Variants in SLC11A1 observed in about 807,000 individuals in gnomAD.
The protein encoded by SLC11A1 is solute carrier family 11 member 1, also known as natural resistance-associated macrophage protein 1.
In SLC11A1, 59 loss-of-function variants were observed where a neutral mutation model predicts 63.2. That is an observed-to-expected ratio of 0.93 (90% CI 0.76 to 1.16). The LOEUF (loss-of-function observed/expected upper bound fraction) is 1.16, where lower values mean the gene tolerates loss of function less well. Among genes scored for constraint, SLC11A1 ranks in the 50% most tolerant of loss-of-function variants. SLC11A1 has a pLI of 0.00. For missense variants in SLC11A1, 688 were observed against 730.7 expected (o/e 0.94, Z 0.67); for synonymous variants, 305 against 307.8 (o/e 0.99, Z 0.09).
At chr2:218,382,415 T>G (rs1574757636) in intron 1 of SLC11A1, 40 bp downstream of exon 1, 1 of 1,610,196 alleles carries the variant, frequency 6.2e-7, no homozygotes, top group Non-Finnish European at 8.5e-7. Context: ...GATTGGGGGG[T>G]GGAGTGGAGG....
At chr2:218,387,506 T>C in intron 6 of SLC11A1, 59 bp from the exon 7 acceptor site, 2 of 1,559,974 alleles carry the variant, frequency 1.3e-6, no homozygotes, top group Non-Finnish European at 1.8e-6. Flanking sequence ...CCATTACGAA[T>C]TGTTGATGTC....
At chr2:218,389,796 G>C in intron 8 of SLC11A1, 74 bp from the exon 9 acceptor site, 2 of 1,485,128 alleles carry the variant, frequency 1.3e-6, no homozygotes, top group Non-Finnish European at 1.8e-6. Context: ...GGAGAACATA[G>C]AAGTGTGAGG....
chr2:218,382,476 C>A, intron 1 of SLC11A1, 101 bp downstream of exon 1: 1 of 1,313,794 alleles, frequency 7.6e-7, no homozygotes, highest in Admixed American at 1.9e-5. Context: ...CCTTGGTCCC[C>A]TGTGGAAGCC....
rs150015128 is a variant in SLC11A1 at position 218,387,197 on chromosome 2, G to A, written c.538G>A (p.Asp180Asn). 5.7e-4 allele frequency: 915 copies of A among 1,614,122 alleles called. 2 individuals carry two copies. The highest frequency in any genetic ancestry group is 7.1e-4 in the Non-Finnish European group (834 of 1,180,020). ...GGGTGGCGTCCTCATCACCATCGTGGACACCTTCTTCTTCCTCTTCCTCGA... is the reference window on the plus strand; with the variant it reads ...GGGTGGCGTCCTCATCACCATCGTGAACACCTTCTTCTTCCTCTTCCTCGA... ...LWGGVLITIV[D>N]TFFFLFLDNY... Residue 180 changes from aspartate to asparagine, a missense_variant, in exon 6 of 15, where the codon GAC becomes AAC. Coordinates refer to ENST00000233202, the MANE Select transcript of SLC11A1 (RefSeq NM_000578.4).
In SLC11A1 at chr2:218,391,487, G is replaced by T. The variant is rs368600034; in HGVS notation, c.1156G>T (p.Val386Leu). The change falls in exon 11 of 15, where the codon GTG becomes TTG. Residue 386 changes from valine (V) to leucine (L), a missense_variant. Transcript: ENST00000233202. ...TMTGTYAGQF[V>L]MEGFLRLRWS... Reference sequence around the variant, plus strand: ...GACGGGCACCTACGCGGGACAGTTCGTGATGGAGGTAGGGCAGGGGGCGGG... The same window carrying T: ...GACGGGCACCTACGCGGGACAGTTCTTGATGGAGGTAGGGCAGGGGGCGGG... 1.9e-6 allele frequency: 3 copies of T among 1,594,622 alleles called. No individual in the cohort carries two copies. Among genetic ancestry groups the T allele is most frequent in the Middle Eastern group, 1.7e-4 (1 of 5,856 alleles).
rs1330260986 is a variant in SLC11A1 at position 218,395,827 on chromosome 2, G to A, written c.*792G>A. The A allele has an allele frequency of 6.6e-6, 1 of 152,376 alleles. No individual in the cohort carries two copies. The highest frequency in any genetic ancestry group is 2.4e-5 in the African/African-American group (1 of 41,436). 9.4% of individuals were successfully genotyped at this position (152,376 alleles called of 1,614,324 possible). On this transcript the variant is annotated 3_prime_UTR_variant, in exon 15 of 15. Coordinates refer to ENST00000233202, the MANE Select transcript of SLC11A1 (RefSeq NM_000578.4). ...GGAATGGGAACCGGGAAGGCACGAAGTCTCTAAAGCATCCAGAAGACCCCT... is the reference window on the plus strand; with the variant it reads ...GGAATGGGAACCGGGAAGGCACGAAATCTCTAAAGCATCCAGAAGACCCCT...
chr2:218,382,995 T>A lies in SLC11A1; in HGVS notation c.43T>A (p.Tyr15Asn). 1 of 1,614,000 alleles carries A rather than the reference T, an allele frequency of 6.2e-7. No individual in the cohort carries two copies. The change falls in exon 2 of 15, where the codon TAT becomes AAT. Residue 15 changes from tyrosine to asparagine, a missense_variant. Physicochemically the swap from Tyr to Asn is moderately radical, Grantham distance 143. Coordinates refer to ENST00000233202, the MANE Select transcript of SLC11A1 (RefSeq NM_000578.4). ...TCCCCAAAGGCTAAGCGGGTCCAGC[T>A]ATGGTTCCATCTCCAGCCCGACCAG... Reference protein sequence around the residue: ...KGPQRLSGSSYGSISSPTSPT... With the variant: ...KGPQRLSGSSNGSISSPTSPT...
In SLC11A1 at chr2:218,384,287, C is replaced by G; in HGVS notation, c.195C>G (p.Gly65=). The change falls in exon 3 of 15, where the codon GGC becomes GGG. Residue 65 remains glycine (G), a synonymous_variant. Transcript: ENST00000233202. The surrounding 1 kb of genome is among the most constrained non-coding windows in gnomAD (Gnocchi z 4.0). ...AGCTATGGGCCTTCACGGGGCCTGG[C>G]TTCCTCATGAGCATTGCTTTCCTGG... is the stretch of plus-strand genomic sequence containing the variant. ...LRKLWAFTGP[G]FLMSIAFLDP... is the part of the protein sequence containing the mutation. 6.2e-7 allele frequency: 1 copy of G among 1,608,580 alleles called. No homozygotes were observed. The highest frequency in any genetic ancestry group is 8.5e-7 in the Non-Finnish European group (1 of 1,176,154).
At chr2:218,386,838 T>G (rs1454945576) in intron 5 of SLC11A1, 97 bp downstream of exon 5, 6 of 885,050 alleles carry the variant, frequency 6.8e-6, no homozygotes, top group Non-Finnish European at 1.1e-5. Flanking sequence ...TATTTTATCC[T>G]GCTGTCCCCT....
intron 5 of SLC11A1, 111 bp from the exon 6 acceptor site, chr2:218,387,049 G>A (rs1303764820): frequency 2.7e-5 from 27 of 985,376 alleles, no homozygotes; most frequent in South Asian, 6.4e-5. Flanking sequence ...GTCTGGGGGC[G>A]CTTAGGGTCC....
At chr2:218,391,311 G>GGCGGGC in intron 10 of SLC11A1, 24 bp downstream of exon 10, 1 of 646,244 alleles carries the variant, frequency 1.5e-6, no homozygotes, top group Non-Finnish European at 2.8e-6. Context: ...GGTGGGGAGG[G>GGCGGGC]CGTGACCCAG....
At chr2:218,387,123 G>A (rs1370947389) in intron 5 of SLC11A1, 37 bp from the exon 6 acceptor site, 1 of 1,598,888 alleles carries the variant, frequency 6.3e-7, no homozygotes, top group Admixed American at 1.7e-5. Context: ...GAGACCCCTG[G>A]ACCAGGCTGG....
intron 11 of SLC11A1, 132 bp downstream of exon 11, chr2:218,391,627 TTTGTTG>T (rs961575240): frequency 2.5e-6 from 3 of 1,215,682 alleles, no homozygotes; most frequent in Non-Finnish European, 3.3e-6. Flanking sequence ...TGTTTTTGTT[TTTGTTG>T]TTGTTGTTGA....
chr2:218,395,073 C>T lies in SLC11A1; in HGVS notation c.*38C>T, dbSNP rs758358977. ...GCCTGGCTGGGAGTGGCATGTATGA[C>T]GTGACTGGCCTGCTGGATGTGGAGG... is the stretch of plus-strand genomic sequence containing the variant. On this transcript the variant is annotated 3_prime_UTR_variant, in exon 15 of 15. Coordinates refer to ENST00000233202, the MANE Select transcript of SLC11A1 (RefSeq NM_000578.4). 1.8e-5 allele frequency: 27 copies of T among 1,467,816 alleles called. No homozygotes were observed. The highest frequency in any genetic ancestry group is 2.3e-5 in the Non-Finnish European group (25 of 1,071,626). 90.9% of individuals were successfully genotyped at this position (1,467,816 alleles called of 1,614,324 possible).
In SLC11A1 at chr2:218,387,792, C is replaced by T; in HGVS notation, c.640-8C>T. 6.2e-7 allele frequency: 1 copy of T among 1,610,354 alleles called. No individual in the cohort carries two copies. The highest frequency in any genetic ancestry group is 8.5e-7 in the Non-Finnish European group (1 of 1,178,696). On this transcript the variant is annotated splice_region_variant and splice_polypyrimidine_tract_variant and intron_variant, in intron 7 of 14. Coordinates refer to ENST00000233202, the MANE Select transcript of SLC11A1 (RefSeq NM_000578.4). ...CGGGGCTTGTCCTGACCAGGCTCCT[C>T]CCTGCAGTATGTGGTGGCGCGTCCT... is the stretch of plus-strand genomic sequence containing the variant.
intron 8 of SLC11A1, chr2:218,388,437 C>CT (rs1324635982): frequency 6.4e-6 from 1 of 156,792 alleles, no homozygotes; most frequent in East Asian, 1.9e-4. Flanking sequence ...GTCAAGGCCT[C>CT]TGCCCTTCTA....
rs1018657182 is a variant in SLC11A1, at chr2:218,395,673, G to A, written c.*638G>A. On this transcript the variant is annotated 3_prime_UTR_variant, in exon 15 of 15. Transcript: ENST00000233202. Reference sequence around the variant, plus strand: ...TTGCCATGCTGGCCAGGCTGGTCTCGAACTGCTGGATTCAAGTGATCCGCC... The same window carrying A: ...TTGCCATGCTGGCCAGGCTGGTCTCAAACTGCTGGATTCAAGTGATCCGCC... The A allele has an allele frequency of 1.3e-5, 2 of 152,298 alleles. No individual in the cohort carries two copies. Among genetic ancestry groups the A allele is most frequent in the Non-Finnish European group, 2.9e-5 (2 of 68,106 alleles). The allele number at this position is 152,298 out of a possible 1,614,324, so 9.4% of individuals were successfully genotyped here.
chr2:218,391,677 T>A, intron 11 of SLC11A1, 182 bp downstream of exon 11: 7 of 765,822 alleles, frequency 9.1e-6, no homozygotes, highest in South Asian at 2.0e-5. Context: ...CAGGCTGGAG[T>A]GCAGTGGCGC....
chr2:218,387,953 A>C lies in SLC11A1; in HGVS notation c.793A>C (p.Lys265Gln). 6.2e-7 allele frequency: 1 copy of C among 1,604,918 alleles called. No homozygotes were observed. The highest frequency in any genetic ancestry group is 8.5e-7 in the Non-Finnish European group (1 of 1,175,022). ...HNIYLHSALV[K>Q]SREIDRARRA... ...CATCTACCTGCACTCGGCCCTGGTC[A>C]AGGTGAGCAGAGGGGAGGGGAAAGG... Residue 265 changes from lysine (K) to glutamine (Q), a missense_variant and splice_region_variant, in exon 8 of 15, where the codon AAG (lysine) becomes CAG (glutamine). Transcript: ENST00000233202.
Sources: allele counts gnomAD v4.1 joint callset, GRCh38; gene constraint gnomAD v4.1.1; non-coding constraint Gnocchi (gnomAD v3.1); transcripts MANE v1.5; gene names NCBI Gene and HGNC (gene_info 2026-07-23, HGNC 2026-07-21).